ANK3: variants seen among roughly 807,000 people sequenced by gnomAD.
ANK3 encodes the protein ankyrin 3, also known as ankyrin-3.
ANK3 carries 57 observed loss-of-function variants against 370.9 expected under a neutral mutation model. The observed-to-expected ratio is 0.15, with a 90% CI of 0.12 to 0.19. The LOEUF (loss-of-function observed/expected upper bound fraction) is 0.19, where lower values mean the gene tolerates loss of function less well. Among genes scored for constraint, ANK3 ranks in the 10% least tolerant of loss-of-function variants. ANK3 has a pLI of 1.00. For synonymous variants in ANK3, 1,929 were observed against 1,946.3 expected (o/e 0.99, Z 0.23); for missense variants, 4,439 against 5,302.1 (o/e 0.84, Z 5.06).
chr10:60,348,361 A>AC (rs1259973366), intron 1 of ANK3, among the ~76,000 whole-genome samples: 9 of 112,996 alleles, frequency 8.0e-5, no homozygotes, highest in South Asian at 6.8e-4. Context: ...AAAAAAAAAA[A>AC]AAAAAAAAAC....
intron 13 of ANK3, among the ~76,000 whole-genome samples, chr10:60,199,044 G>C (rs1298610958): frequency 6.6e-6 from 1 of 152,126 alleles, no homozygotes; most frequent in Non-Finnish European, 1.5e-5. Context: ...GGTCAGCAGG[G>C]GCTGATGCCC....
chr10:60,680,318 G>T (rs758535249), intron 1 of ANK3, among the ~76,000 whole-genome samples: 1 of 152,188 alleles, frequency 6.6e-6, no homozygotes, highest in Non-Finnish European at 1.5e-5. Flanking sequence ...CACAGTAATG[G>T]GTATGCCTTG....
At position 60,389,631 on chromosome 10, in the gene ANK3, C is replaced by A; in HGVS notation, c.-93G>T. The A allele has an allele frequency of 6.5e-7, 1 of 1,546,006 alleles. No individual in the cohort carries two copies. The highest frequency in any genetic ancestry group is 8.7e-7 in the Non-Finnish European group (1 of 1,152,114). ...TCTAATCAGGCTTACAGCAGCATTC[C>A]AATCACTAGAGAGAAAGCTTTGACT... On this transcript the variant is annotated 5_prime_UTR_variant, in exon 1 of 44. Transcript: ENST00000280772.
chr10:60,081,467 CTAATTATCATA>C (rs1243553948), intron 35 of ANK3: 2 of 426,636 alleles, frequency 4.7e-6, no homozygotes, highest in Non-Finnish European at 9.2e-6. Flanking sequence ...ATTCAAAAAC[CTAATTATCATA>C]TAACTTAGAG....
intron 2 of ANK3, among the ~76,000 whole-genome samples, chr10:60,454,107 T>C (rs1465373557): frequency 6.6e-6 from 1 of 152,164 alleles, no homozygotes; most frequent in Admixed American, 6.5e-5. Context: ...TAGATTTAAA[T>C]TCACAAGGAA....
chr10:60,275,187 A>G (rs1231764197), intron 4 of ANK3, among the ~76,000 whole-genome samples: 1 of 152,230 alleles, frequency 6.6e-6, no homozygotes, highest in Non-Finnish European at 1.5e-5. Context: ...TGTAGCAACA[A>G]CAGATTAAAT....
At chr10:60,097,225 T>A (rs1054099082) in intron 28 of ANK3, among the ~76,000 whole-genome samples, 1 of 152,130 alleles carries the variant, frequency 6.6e-6, no homozygotes, top group African/African-American at 2.4e-5. Context: ...AGAACCTAGG[T>A]CTAGGAAAGG....
At chr10:60,249,155 G>C (rs1224178803) in intron 7 of ANK3, among the ~76,000 whole-genome samples, 1 of 152,148 alleles carries the variant, frequency 6.6e-6, no homozygotes, top group Non-Finnish European at 1.5e-5. Flanking sequence ...TCTATGAGTA[G>C]AGAGATATAT....
At chr10:60,699,688 A>G (rs746006902) in intron 1 of ANK3, among the ~76,000 whole-genome samples, 3 of 152,142 alleles carry the variant, frequency 2.0e-5, no homozygotes, top group Non-Finnish European at 4.4e-5. Context: ...AGGAAGAGGA[A>G]GGAAATATAC....
intron 2 of ANK3, among the ~76,000 whole-genome samples, chr10:60,428,822 G>A (rs1003418565): frequency 6.6e-6 from 1 of 152,138 alleles, no homozygotes; most frequent in African/African-American, 2.4e-5. Flanking sequence ...ATAAGCAAAG[G>A]AGAAATGCTG....
At chr10:60,540,400 T>C (rs1158534434) in intron 2 of ANK3, among the ~76,000 whole-genome samples, 2 of 151,950 alleles carry the variant, frequency 1.3e-5, no homozygotes, top group South Asian at 4.1e-4. Context: ...ATGGGATCCA[T>C]GAAATTCATC....
At chr10:60,490,282 G>C (rs964516899) in intron 2 of ANK3, among the ~76,000 whole-genome samples, 1 of 152,170 alleles carries the variant, frequency 6.6e-6, no homozygotes, top group Admixed American at 6.5e-5. Flanking sequence ...CACATTCTCA[G>C]GGTCTTTCCC....
intron 25 of ANK3, among the ~76,000 whole-genome samples, chr10:60,120,264 A>T (rs1350490147): frequency 2.0e-5 from 3 of 152,176 alleles, no homozygotes; most frequent in Non-Finnish European, 4.4e-5. Context: ...AGCCATATGC[A>T]AAAGAATGAA....
chr10:60,304,261 C>CACAT (rs2044468197), intron 1 of ANK3, among the ~76,000 whole-genome samples: 2 of 151,258 alleles, frequency 1.3e-5, no homozygotes, highest in South Asian at 4.2e-4. Context: ...TCATAACACA[C>CACAT]ACACACACAC....
At chr10:60,480,738 C>T (rs560573433) in intron 2 of ANK3, among the ~76,000 whole-genome samples, 73 of 152,216 alleles carry the variant, frequency 4.8e-4, no homozygotes, top group Admixed American at 4.1e-3. Flanking sequence ...GTTTTATCTG[C>T]GAACTACAGA....
At chr10:60,383,910 T>C (rs1033305221) in intron 1 of ANK3, among the ~76,000 whole-genome samples, 2 of 152,218 alleles carry the variant, frequency 1.3e-5, no homozygotes, top group Non-Finnish European at 2.9e-5. Flanking sequence ...GTATAGTTCA[T>C]GTCTTTAAAA....
In ANK3 at chr10:60,377,385, A is replaced by G. The variant is rs143015035; in HGVS notation, c.114+12040T>C. 3.3e-3 allele frequency among the ~76,000 whole-genome samples: 503 copies of G among 152,358 alleles called. 2 individuals carry two copies. Among genetic ancestry groups the G allele is most frequent in the South Asian group, 0.018 (89 of 4,830 alleles). Reference sequence around the variant, plus strand: ...ATTTTGACAAATGTTGCTTCCCTAGACTATTGTAAATACACAGTGCCAATA... The same window carrying G: ...ATTTTGACAAATGTTGCTTCCCTAGGCTATTGTAAATACACAGTGCCAATA... On this transcript the variant is annotated intron_variant, in intron 1 of 43. Coordinates refer to ENST00000280772, the MANE Select transcript of ANK3 (RefSeq NM_020987.5).
intron 1 of ANK3, among the ~76,000 whole-genome samples, chr10:60,376,131 T>C (rs1315451746): frequency 6.6e-6 from 1 of 152,154 alleles, no homozygotes; most frequent in African/African-American, 2.4e-5. Context: ...CCCAAGCCGG[T>C]CTGCCTCCAC....
intron 2 of ANK3, among the ~76,000 whole-genome samples, chr10:60,423,678 C>T (rs1387132523): frequency 6.6e-6 from 1 of 152,000 alleles, no homozygotes; most frequent in Non-Finnish European, 1.5e-5. Flanking sequence ...CCAGCATTTT[C>T]TCTCTTAAAT....
Sources: gnomAD v4.1 joint callset for allele counts (sites outside exome capture counted in the v4.1 genomes callset) on GRCh38, gnomAD v4.1.1 for gene constraint, MANE v1.5 for transcripts, NCBI Gene and HGNC (gene_info 2026-07-23, HGNC 2026-07-21) for gene names.